THSD4: variants seen among roughly 807,000 people sequenced by gnomAD.
The protein encoded by THSD4 is thrombospondin type 1 domain containing 4.
THSD4 carries 69 observed loss-of-function variants against 119.0 expected under a neutral mutation model. The observed-to-expected ratio is 0.58, with a 90% confidence interval of 0.48 to 0.71. THSD4 has a LOEUF of 0.71. THSD4 is among the 30% of genes least tolerant of loss of function. The probability of loss-of-function intolerance (pLI) is 0.00; values close to 1 mark genes in which losing one functional copy is unlikely to be tolerated. For missense variants in THSD4, 1,393 were observed against 1,391.1 expected, an observed-to-expected ratio of 1.00 and a Z score of -0.02; for synonymous variants, 524 against 540.4, an observed-to-expected ratio of 0.97 and a Z score of 0.42.
intron 6 of THSD4, among the ~76,000 whole-genome samples, chr15:71,349,136 A>G (rs1011955463): frequency 4.6e-5 from 7 of 152,188 alleles, no homozygotes. Context: ...TCCCATTTCA[A>G]TTGTTAGCAG....
chr15:71,494,673 A>G (rs560468789), intron 7 of THSD4, among the ~76,000 whole-genome samples: 1 of 151,858 alleles, frequency 6.6e-6, no homozygotes, highest in Non-Finnish European at 1.5e-5. Context: ...TTTATAAACC[A>G]TTACCAAATC....
chr15:71,339,549 G>A (rs2045536538), intron 6 of THSD4, among the ~76,000 whole-genome samples: 1 of 152,056 alleles, frequency 6.6e-6, no homozygotes, highest in Admixed American at 6.6e-5. Flanking sequence ...ATCAGGTATG[G>A]GGTGTAGTGT....
intron 7 of THSD4, among the ~76,000 whole-genome samples, chr15:71,530,479 T>C (rs1260466229): frequency 6.6e-6 from 1 of 152,080 alleles, no homozygotes; most frequent in East Asian, 1.9e-4. Flanking sequence ...CAAGCAGTGG[T>C]TTTTGGGTGT....
At chr15:71,606,725 A>G (rs551072779) in intron 7 of THSD4, among the ~76,000 whole-genome samples, 1 of 152,120 alleles carries the variant, frequency 6.6e-6, no homozygotes, top group Admixed American at 6.5e-5. Context: ...TTTTTAGTGG[A>G]GATGGGTTTT....
At chr15:71,645,059 A>G (rs2050941341) in intron 7 of THSD4, among the ~76,000 whole-genome samples, 1 of 152,152 alleles carries the variant, frequency 6.6e-6, no homozygotes, top group African/African-American at 2.4e-5. Context: ...TCGAACAGTG[A>G]TTTCCTTGCA....
intron 4 of THSD4, among the ~76,000 whole-genome samples, chr15:71,226,752 G>C (rs998032908): frequency 2.0e-5 from 3 of 152,180 alleles, no homozygotes; most frequent in Admixed American, 6.5e-5. Context: ...TTACCTACAG[G>C]GGGGCAGAAA....
chr15:71,609,220 G>A lies in THSD4; in HGVS notation c.1153-51310G>A, dbSNP rs561453183. On this transcript the variant is annotated intron_variant, in intron 7 of 17. Coordinates refer to ENST00000261862, the MANE Select transcript of THSD4 (RefSeq NM_024817.3). The stretch of plus-strand genomic sequence containing the variant: ...AGAGGATGTAATGTAGGTTATTAAT[G>A]CAATAAGTAACACATATATGAATTC... 4.3e-4 allele frequency among the ~76,000 whole-genome samples: 65 copies of A among 152,306 alleles called. No homozygotes were observed. In the South Asian group the frequency reaches 4.8e-3, roughly 11 times the overall value.
chr15:71,638,977 C>T (rs902880962), intron 7 of THSD4, among the ~76,000 whole-genome samples: 1 of 152,146 alleles, frequency 6.6e-6, no homozygotes. Context: ...GCCATCTTTG[C>T]AGTCATGTCC....
chr15:71,270,594 C>A (rs1257173793), intron 6 of THSD4, among the ~76,000 whole-genome samples: 1 of 152,198 alleles, frequency 6.6e-6, no homozygotes, highest in Non-Finnish European at 1.5e-5. Context: ...AGTTAACTAA[C>A]TTGCCCACGG....
intron 8 of THSD4, among the ~76,000 whole-genome samples, chr15:71,665,755 T>G (rs1595844429): frequency 6.6e-6 from 1 of 152,044 alleles, no homozygotes; most frequent in South Asian, 2.1e-4. Flanking sequence ...GAATAGGGAG[T>G]CCTTTCCCAA....
At chr15:71,399,301 A>T (rs758715653) in intron 6 of THSD4, among the ~76,000 whole-genome samples, 2 of 152,172 alleles carry the variant, frequency 1.3e-5, no homozygotes, top group Non-Finnish European at 2.9e-5. Context: ...AAAGGGTCTA[A>T]CATATAGTAG....
At chr15:71,200,889 G>A (rs2043798152) in intron 3 of THSD4, among the ~76,000 whole-genome samples, 1 of 152,216 alleles carries the variant, frequency 6.6e-6, no homozygotes, top group Non-Finnish European at 1.5e-5. Context: ...GCTGTGCCAT[G>A]TCTCGCGAGC....
chr15:71,321,883 C>CA (rs2045274025), intron 6 of THSD4, among the ~76,000 whole-genome samples: 1 of 151,598 alleles, frequency 6.6e-6, no homozygotes, highest in African/African-American at 2.4e-5. Context: ...TCAATATGGG[C>CA]AAAAAATTTT....
chr15:71,642,784 A>T (rs2140966412), intron 7 of THSD4, among the ~76,000 whole-genome samples: 1 of 145,148 alleles, frequency 6.9e-6, no homozygotes, highest in Middle Eastern at 3.5e-3. Context: ...GGAACATCAC[A>T]CTCTGGGGAC....
intron 1 of THSD4, among the ~76,000 whole-genome samples, chr15:71,103,551 A>G (rs2040262048): frequency 6.6e-6 from 1 of 151,942 alleles, no homozygotes. Flanking sequence ...CACACTTACC[A>G]TGACTGTTTC....
rs1299776747 is a variant in THSD4, at chr15:71,215,333, G to T, written c.398G>T (p.Gly133Val). 1 of 1,530,902 alleles carries T rather than the reference G, an allele frequency of 6.5e-7. No homozygotes were observed. The highest frequency in any genetic ancestry group is 8.7e-7 in the Non-Finnish European group (1 of 1,144,988). The allele number at this position is 1,530,902 out of a possible 1,614,324, so 94.8% of individuals were successfully genotyped here. Residue 133 changes from glycine (G) to valine (V), a missense_variant, in exon 4 of 18, where the codon GGC (glycine) becomes GTC (valine). Coordinates refer to ENST00000261862, the MANE Select transcript of THSD4 (RefSeq NM_024817.3). ...ALAGTDASRQGPTVLRGSRHP... is the reference protein window; with the variant it reads ...ALAGTDASRQVPTVLRGSRHP... ...GCCGGTACGGACGCCAGCCGCCAGG[G>T]CCCCACGGTGCTGCGAGGCAGCCGG...
chr15:71,688,153 A>G (rs1336527419), intron 8 of THSD4, among the ~76,000 whole-genome samples: 3 of 152,262 alleles, frequency 2.0e-5, no homozygotes, highest in Non-Finnish European at 4.4e-5. Context: ...CATGCTCTGC[A>G]TGCAATAAAG....
Position 71,708,189 on chromosome 15 carries a change from G to A in THSD4, c.1358-20360G>A, listed in dbSNP as rs889904757. Reference sequence around the variant, plus strand: ...TTGGGACTGCAGTCTGTGATTGAACGTCATCAATGACCTGCCAAGGCTGGG... The same window carrying A: ...TTGGGACTGCAGTCTGTGATTGAACATCATCAATGACCTGCCAAGGCTGGG... On this transcript the variant is annotated intron_variant, in intron 8 of 17. Coordinates refer to ENST00000261862, the MANE Select transcript of THSD4 (RefSeq NM_024817.3). Among the ~76,000 whole-genome samples, 8 of 152,192 alleles carry A rather than the reference G, an allele frequency of 5.3e-5. No individual in the cohort carries two copies. In the South Asian group the frequency reaches 6.2e-4, roughly 12 times the overall value.
intron 7 of THSD4, among the ~76,000 whole-genome samples, chr15:71,441,180 C>T (rs916226856): frequency 6.6e-6 from 1 of 151,998 alleles, no homozygotes; most frequent in African/African-American, 2.4e-5. Context: ...TAATAAATAG[C>T]AGTGCTGGTG....
Sources: gnomAD v4.1 joint callset for allele counts (sites outside exome capture counted in the v4.1 genomes callset) on GRCh38, gnomAD v4.1.1 for gene constraint, MANE v1.5 for transcripts, NCBI Gene and HGNC (gene_info 2026-07-23, HGNC 2026-07-21) for gene names.